The following HPGDS variants were observed in gnomAD, a reference collection of about 807,000 sequenced individuals.
HPGDS encodes the protein GST class-sigma.
A neutral mutation model predicts 23.1 loss-of-function variants in HPGDS; 26 were observed. That is an observed-to-expected ratio of 1.13 (90% CI 0.83 to 1.56). HPGDS has a LOEUF of 1.56. Among genes scored for constraint, HPGDS ranks in the 40% most tolerant of loss-of-function variants. The pLI is 0.00. For missense variants in HPGDS, 268 were observed against 236.4 expected, an observed-to-expected ratio of 1.13 and a Z score of -0.88; for synonymous variants, 95 against 77.9, an observed-to-expected ratio of 1.22 and a Z score of -1.16.
intron 4 of HPGDS, among the ~76,000 whole-genome samples, chr4:94,304,406 G>A (rs1756103301): frequency 6.6e-6 from 1 of 151,936 alleles, no homozygotes; most frequent in South Asian, 2.1e-4. Flanking sequence ...GGCATCTTTT[G>A]CTTTTAATTC....
chr4:94,323,425 G>A (rs866772019), intron 2 of HPGDS, among the ~76,000 whole-genome samples: 30 of 152,104 alleles, frequency 2.0e-4, no homozygotes, highest in African/African-American at 6.0e-4. Flanking sequence ...CTAAGGACTT[G>A]GTTTATGAAT....
intron 1 of HPGDS, among the ~76,000 whole-genome samples, chr4:94,340,307 T>C (rs866577188): frequency 2.2e-5 from 1 of 44,588 alleles, no homozygotes. Context: ...CTTTCTTTCT[T>C]TCTCTTTTTT....
intron 2 of HPGDS, among the ~76,000 whole-genome samples, chr4:94,322,935 T>G (rs938821003): frequency 6.6e-6 from 1 of 152,240 alleles, no homozygotes; most frequent in Non-Finnish European, 1.5e-5. Flanking sequence ...CTGCTTTAAA[T>G]GTATCCCAGA....
chr4:94,317,359 C>G (rs1756418168), intron 3 of HPGDS, among the ~76,000 whole-genome samples: 1 of 152,136 alleles, frequency 6.6e-6, no homozygotes, highest in African/African-American at 2.4e-5. Flanking sequence ...TGGGTGTGGG[C>G]ACTAATGCAA....
intron 3 of HPGDS, among the ~76,000 whole-genome samples, chr4:94,311,952 G>A: frequency 6.6e-6 from 1 of 151,908 alleles, no homozygotes; most frequent in Non-Finnish European, 1.5e-5. Flanking sequence ...TTCTCTGATG[G>A]TAGTTTGTAT....
intron 1 of HPGDS, among the ~76,000 whole-genome samples, chr4:94,339,051 T>C (rs1436670293): frequency 6.6e-6 from 1 of 152,162 alleles, no homozygotes; most frequent in East Asian, 1.9e-4. Context: ...AGACATGACA[T>C]AGAGTGAGGA....
intron 5 of HPGDS, among the ~76,000 whole-genome samples, chr4:94,300,084 C>G (rs1265751596): frequency 3.3e-5 from 5 of 152,144 alleles, no homozygotes; most frequent in African/African-American, 9.7e-5. Context: ...AAGCAGTACC[C>G]TTTTTTTCAC....
intron 3 of HPGDS, among the ~76,000 whole-genome samples, chr4:94,309,992 G>T (rs1424214702): frequency 6.6e-6 from 1 of 152,122 alleles, no homozygotes; most frequent in Non-Finnish European, 1.5e-5. Context: ...CTTTTTTCAT[G>T]CAAATATGTT....
rs1021668524 is a variant in HPGDS, at chr4:94,299,129, G to A, written c.*351C>T. On this transcript the variant is annotated 3_prime_UTR_variant, in exon 6 of 6. Transcript: ENST00000295256. The stretch of plus-strand genomic sequence containing the variant: ...AAAGTTTGTGTTTTATGCAATTACA[G>A]GTAATTGTGGTAGCTGAAGTCCAAA... 5.5e-6 allele frequency: 1 copy of A among 183,124 alleles called. No homozygotes were observed. The highest frequency in any genetic ancestry group is 1.1e-5 in the Non-Finnish European group (1 of 87,390). The allele number at this position is 183,124 out of a possible 1,614,324, so 11.3% of individuals were successfully genotyped here.
At chr4:94,337,529 G>A (rs59483091) in intron 1 of HPGDS, among the ~76,000 whole-genome samples, 1 of 151,288 alleles carries the variant, frequency 6.6e-6, no homozygotes, top group African/African-American at 2.4e-5. Context: ...ACAAAAATTA[G>A]CTGGGGGTGG....
intron 2 of HPGDS, among the ~76,000 whole-genome samples, chr4:94,328,605 A>T (rs1374740440): frequency 6.6e-6 from 1 of 152,232 alleles, no homozygotes; most frequent in Non-Finnish European, 1.5e-5. Flanking sequence ...ATTTTAATTG[A>T]TTTCTCATAT....
At chr4:94,315,229 G>T (rs183500614) in intron 3 of HPGDS, among the ~76,000 whole-genome samples, 1 of 152,072 alleles carries the variant, frequency 6.6e-6, no homozygotes, top group Non-Finnish European at 1.5e-5. Context: ...CTTCTGCATC[G>T]CTCACGCTTC....
At chr4:94,308,127 C>T (rs1432717376) in intron 4 of HPGDS, among the ~76,000 whole-genome samples, 23 of 152,106 alleles carry the variant, frequency 1.5e-4, no homozygotes. Context: ...GTTTCATTTA[C>T]ACCTTATACA....
At chr4:94,324,312 G>A (rs545100066) in intron 2 of HPGDS, among the ~76,000 whole-genome samples, 20 of 152,172 alleles carry the variant, frequency 1.3e-4, no homozygotes, top group Admixed American at 6.5e-4. Flanking sequence ...GGCCTGTCTT[G>A]CTAGGTTGGG....
intron 3 of HPGDS, among the ~76,000 whole-genome samples, chr4:94,311,404 T>C (rs1023164141): frequency 9.2e-5 from 14 of 151,384 alleles, no homozygotes; most frequent in Non-Finnish European, 2.1e-4. Context: ...TCATGTGGTT[T>C]TTTGTCATCG....
intron 3 of HPGDS, among the ~76,000 whole-genome samples, chr4:94,317,504 C>A (rs1010768524): frequency 6.6e-6 from 1 of 152,118 alleles, no homozygotes; most frequent in Non-Finnish European, 1.5e-5. Flanking sequence ...TAAGAAATTT[C>A]AACCTCCATA....
rs1721124441 is a variant in HPGDS at position 94,340,309 on chromosome 4, CTCTTTTTTTTTTTTTTTTTTTTTTT to C, written c.-10+2461_-10+2485del. Among the ~76,000 whole-genome samples the C allele has an allele frequency of 8.5e-3, 245 of 28,788 alleles. 4 individuals are homozygous for C. The highest frequency in any genetic ancestry group is 0.013 in the Admixed American group (19 of 1,502). 18.9% of individuals were successfully genotyped at this position (28,788 alleles called of 152,430 possible). ...TCTTTCTTTCTTTCTTTCTTTCTTT[CTCTTTTTTTTTTTTTTTTTTTTTTT>C]TTTTTTTTTTTTTTTTTTTTTTGAG... On this transcript the variant is annotated intron_variant, in intron 1 of 5. Coordinates refer to ENST00000295256, the MANE Select transcript of HPGDS (RefSeq NM_014485.3).
chr4:94,340,260 CCTTTCTTT>C (rs201837103), intron 1 of HPGDS, among the ~76,000 whole-genome samples: 1,293 of 81,402 alleles, frequency 0.016, 23 homozygotes, highest in Middle Eastern at 0.045. Flanking sequence ...CTGGTCTAAA[CCTTTCTTT>C]CTTTCTTTCT....
chr4:94,329,366 C>T (rs1180267648), intron 2 of HPGDS, among the ~76,000 whole-genome samples: 2 of 152,070 alleles, frequency 1.3e-5, no homozygotes, highest in Non-Finnish European at 2.9e-5. Flanking sequence ...TTCTATGAGC[C>T]ATGTTTTGAG....
Sources: allele counts gnomAD v4.1 joint callset (sites outside exome capture counted in the v4.1 genomes callset), GRCh38; gene constraint gnomAD v4.1.1; transcripts MANE v1.5; gene names NCBI Gene and HGNC (gene_info 2026-07-23, HGNC 2026-07-21).